WWOX: variants seen among roughly 807,000 people sequenced by gnomAD.
WWOX encodes the protein WW domain-containing oxidoreductase.
WWOX carries 69 observed loss-of-function variants against 46.2 expected under a neutral mutation model. The ratio of observed to expected loss-of-function variants is 1.49; its 90% CI spans 1.23 to 1.82. The LOEUF (loss-of-function observed/expected upper bound fraction) is 1.82, where lower values mean the gene tolerates loss of function less well. Ranked by LOEUF, WWOX falls within the 40% of genes most tolerant of loss-of-function variation. The probability of loss-of-function intolerance (pLI) is 0.00; values close to 1 mark genes in which losing one functional copy is unlikely to be tolerated. For missense variants in WWOX, 919 were observed against 542.6 expected (o/e 1.69, Z -6.89); for synonymous variants, 359 against 202.6 (o/e 1.77, Z -6.56).
chr16:79,025,500 G>C (rs927532398), intron 8 of WWOX, among the ~76,000 whole-genome samples: 1 of 152,126 alleles, frequency 6.6e-6, no homozygotes, highest in African/African-American at 2.4e-5. Flanking sequence ...GGTAGAGACT[G>C]AGATCGGAGT....
Position 78,163,887 on chromosome 16 carries a change from A to T in WWOX, c.410-296A>T, listed in dbSNP as rs62045116. ...CTGCATCCCTAGGACAAGTTTTCTC[A>T]CCATCACAGTGTTGACAGTCCGGGC... On this transcript the variant is annotated intron_variant, in intron 4 of 8. Coordinates refer to ENST00000566780, the MANE Select transcript of WWOX (RefSeq NM_016373.4). 0.13 allele frequency among the ~76,000 whole-genome samples: 20,193 copies of T among 152,086 alleles called. 1,571 individuals carry two copies. The highest frequency in any genetic ancestry group is 0.22 in the East Asian group (1,131 of 5,148).
chr16:78,352,523 C>T (rs374279348), intron 5 of WWOX, among the ~76,000 whole-genome samples: 1 of 152,206 alleles, frequency 6.6e-6, no homozygotes, highest in East Asian at 1.9e-4. Context: ...TCAAGTCCTT[C>T]TCAAACTGCC....
At chr16:79,152,663 C>A (rs898693558) in intron 8 of WWOX, among the ~76,000 whole-genome samples, 1 of 144,938 alleles carries the variant, frequency 6.9e-6, no homozygotes, top group Non-Finnish European at 1.5e-5. Flanking sequence ...GAGTGAGTCT[C>A]CATCTCAAAG....
intron 8 of WWOX, among the ~76,000 whole-genome samples, chr16:79,002,500 G>C (rs563086222): frequency 6.6e-6 from 1 of 152,130 alleles, no homozygotes; most frequent in Non-Finnish European, 1.5e-5. Context: ...TGGGATTACA[G>C]GTGTGAGCCA....
chr16:78,827,582 C>G (rs1240970993), intron 8 of WWOX, among the ~76,000 whole-genome samples: 4 of 151,992 alleles, frequency 2.6e-5, no homozygotes, highest in African/African-American at 9.7e-5. Context: ...CCTGTAATCC[C>G]AGCACTTTGG....
intron 8 of WWOX, among the ~76,000 whole-genome samples, chr16:78,948,555 G>A (rs1281332138): frequency 6.6e-6 from 1 of 152,054 alleles, no homozygotes; most frequent in East Asian, 1.9e-4. Flanking sequence ...GCCCATGACA[G>A]CTCTGCTTCA....
intron 6 of WWOX, among the ~76,000 whole-genome samples, chr16:78,394,623 C>G (rs970469732): frequency 2.0e-5 from 3 of 152,178 alleles, no homozygotes; most frequent in African/African-American, 7.2e-5. Context: ...AGGTAAACTT[C>G]TTGTAAGGGG....
chr16:78,702,590 G>C (rs1213419652), intron 8 of WWOX, among the ~76,000 whole-genome samples: 1 of 151,846 alleles, frequency 6.6e-6, no homozygotes, highest in Admixed American at 6.6e-5. Context: ...GGGAGGTGGA[G>C]GTTGTAGTGA....
intron 8 of WWOX, among the ~76,000 whole-genome samples, chr16:78,452,015 G>A (rs1241416749): frequency 6.6e-6 from 1 of 152,110 alleles, no homozygotes; most frequent in Non-Finnish European, 1.5e-5. Context: ...TGTTTTTAGT[G>A]ACTCTAATAC....
At chr16:78,966,665 T>C (rs573308581) in intron 8 of WWOX, among the ~76,000 whole-genome samples, 1 of 152,328 alleles carries the variant, frequency 6.6e-6, no homozygotes, top group South Asian at 2.1e-4. Flanking sequence ...AGATTACATT[T>C]TCAGAAGTAA....
At chr16:78,739,466 G>C (rs762816900) in intron 8 of WWOX, among the ~76,000 whole-genome samples, 2 of 152,140 alleles carry the variant, frequency 1.3e-5, no homozygotes, top group Non-Finnish European at 2.9e-5. Context: ...AAGGGTTGTG[G>C]AATTGGGTTG....
chr16:78,158,575 G>T (rs1045441896), intron 4 of WWOX, among the ~76,000 whole-genome samples: 3 of 151,050 alleles, frequency 2.0e-5, no homozygotes, highest in African/African-American at 7.3e-5. Flanking sequence ...TCTTCTTGTG[G>T]CAACTTTTTT....
chr16:78,912,211 C>T (rs2045129832), intron 8 of WWOX, among the ~76,000 whole-genome samples: 2 of 152,010 alleles, frequency 1.3e-5, no homozygotes, highest in Non-Finnish European at 1.5e-5. Flanking sequence ...AGGAACTGAA[C>T]AAAGCCCCAG....
rs8056376 is a variant in WWOX at position 78,427,857 on chromosome 16, C to G, written c.791+2802C>G. 3.6e-3 allele frequency among the ~76,000 whole-genome samples: 547 copies of G among 152,206 alleles called. 4 individuals carry two copies. Among genetic ancestry groups the G allele is most frequent in the African/African-American group, 0.013 (528 of 41,528 alleles). On this transcript the variant is annotated intron_variant, in intron 7 of 8. Transcript: ENST00000566780. ...GTCTCACGCCTGTAATCCCAGCACTCAAGAGTTCGAGATCAGCCTAGCCAG... is the reference window on the plus strand; with the variant it reads ...GTCTCACGCCTGTAATCCCAGCACTGAAGAGTTCGAGATCAGCCTAGCCAG...
At chr16:78,182,796 C>G (rs1683492086) in intron 5 of WWOX, among the ~76,000 whole-genome samples, 1 of 151,714 alleles carries the variant, frequency 6.6e-6, no homozygotes, top group African/African-American at 2.4e-5. Flanking sequence ...ACTAAAAATA[C>G]AAAAATTAGC....
Position 78,261,272 on chromosome 16 carries a change from T to C in WWOX, c.516+96983T>C, listed in dbSNP as rs1346912929. Among the ~76,000 whole-genome samples the C allele has an allele frequency of 1.1e-4, 15 of 138,608 alleles. 2 individuals carry two copies. Among genetic ancestry groups the C allele is most frequent in the African/African-American group, 3.7e-4 (13 of 35,616 alleles). The allele number at this position is 138,608 out of a possible 152,430, so 90.9% of individuals were successfully genotyped here. On this transcript the variant is annotated intron_variant, in intron 5 of 8. Transcript: ENST00000566780. ...TTTAATGTGTGGTAAGGTAGATAGA[T>C]AGATAGATAGATACATACATACATA...
intron 8 of WWOX, among the ~76,000 whole-genome samples, chr16:78,560,032 T>A (rs564354026): frequency 1.4e-4 from 21 of 152,254 alleles, no homozygotes; most frequent in Non-Finnish European, 2.2e-4. Context: ...ATTGAAAGGC[T>A]GTTGTCTTTT....
chr16:79,053,877 C>G (rs2048214520), intron 8 of WWOX, among the ~76,000 whole-genome samples: 1 of 152,072 alleles, frequency 6.6e-6, no homozygotes. Flanking sequence ...CTCCAGTAAG[C>G]AAACAGCTTT....
chr16:78,462,503 G>T (rs1305984868), intron 8 of WWOX, among the ~76,000 whole-genome samples: 1 of 152,154 alleles, frequency 6.6e-6, no homozygotes, highest in Non-Finnish European at 1.5e-5. Context: ...TTGTTGTAAG[G>T]TCAGGTACAG....
Sources: gnomAD v4.1 joint callset for allele counts (sites outside exome capture counted in the v4.1 genomes callset) on GRCh38, gnomAD v4.1.1 for gene constraint, MANE v1.5 for transcripts, NCBI Gene and HGNC (gene_info 2026-07-23, HGNC 2026-07-21) for gene names.